Variants in CPD observed in about 807,000 individuals in gnomAD.
The protein encoded by CPD is carboxypeptidase D.
Under a neutral mutation model 138.3 loss-of-function variants are expected in CPD, and 69 were observed. That is an observed-to-expected ratio of 0.50 (90% CI 0.41 to 0.61). The LOEUF (loss-of-function observed/expected upper bound fraction) is 0.61, where lower values mean the gene tolerates loss of function less well. Among genes scored for constraint, CPD ranks in the 20% least tolerant of loss-of-function variants. The pLI is 0.00. For missense variants in CPD, 1,432 were observed against 1,733.3 expected, an observed-to-expected ratio of 0.83 and a Z score of 3.09; for synonymous variants, 651 against 642.1, an observed-to-expected ratio of 1.01 and a Z score of -0.21.
intron 8 of CPD, among the ~76,000 whole-genome samples, chr17:30,436,585 C>T (rs1461500855): frequency 6.6e-6 from 1 of 152,140 alleles, no homozygotes; most frequent in African/African-American, 2.4e-5. Flanking sequence ...TCTTGTTACC[C>T]ACTAGAATGG....
At chr17:30,445,260 T>A in intron 11 of CPD, among the ~76,000 whole-genome samples, 1 of 152,044 alleles carries the variant, frequency 6.6e-6, no homozygotes, top group Admixed American at 6.6e-5. Flanking sequence ...AGGTCAGAAG[T>A]TTGAGACCAG....
At chr17:30,389,539 A>G (rs1345991115) in intron 2 of CPD, among the ~76,000 whole-genome samples, 1 of 152,232 alleles carries the variant, frequency 6.6e-6, no homozygotes, top group Non-Finnish European at 1.5e-5. Context: ...ATAATGGGGT[A>G]AATACTTAAC....
chr17:30,433,070 G>C (rs1017016591), intron 8 of CPD, among the ~76,000 whole-genome samples: 1 of 152,062 alleles, frequency 6.6e-6, no homozygotes, highest in Admixed American at 6.6e-5. Context: ...TATTATTACT[G>C]TAACTCTGCA....
At chr17:30,451,587 A>G (rs978278438) in intron 13 of CPD, 124 bp from the exon 14 acceptor site, 36 of 849,056 alleles carry the variant, frequency 4.2e-5, no homozygotes, top group Non-Finnish European at 5.8e-5. Context: ...TTTTTCATTC[A>G]TCTTAGTTCT....
intron 2 of CPD, among the ~76,000 whole-genome samples, chr17:30,420,052 C>T (rs960974658): frequency 6.6e-6 from 1 of 152,072 alleles, no homozygotes; most frequent in African/African-American, 2.4e-5. Flanking sequence ...TAGTCTTTAT[C>T]CACTAAAAAC....
At chr17:30,384,660 A>T (rs556512131) in intron 1 of CPD, among the ~76,000 whole-genome samples, 1 of 152,240 alleles carries the variant, frequency 6.6e-6, no homozygotes, top group South Asian at 2.1e-4. Context: ...ACATGAATTT[A>T]GAATTCCCTA....
intron 2 of CPD, among the ~76,000 whole-genome samples, chr17:30,409,362 GC>G (rs1205998823): frequency 1.6e-5 from 2 of 125,508 alleles, no homozygotes; most frequent in Non-Finnish European, 3.7e-5. Context: ...TCAGGATGAT[GC>G]TGGCCTCATA....
At chr17:30,390,024 T>G (rs1911308502) in intron 2 of CPD, among the ~76,000 whole-genome samples, 1 of 151,860 alleles carries the variant, frequency 6.6e-6, no homozygotes, top group Non-Finnish European at 1.5e-5. Flanking sequence ...GGAGTAATTT[T>G]TTTTTTTTTT....
At position 30,385,012 on chromosome 17, in the gene CPD, A is replaced by C; in HGVS notation, c.770A>C (p.His257Pro). 6.2e-7 allele frequency: 1 copy of C among 1,613,930 alleles called. No homozygotes were observed. The highest frequency in any genetic ancestry group is 8.5e-7 in the Non-Finnish European group (1 of 1,179,878). The part of the protein sequence containing the change: ...RNKFVLSGNL[H>P]GGSVVASYPF... ...AGGTTTGTGCTTTCTGGAAATCTGC[A>C]TGGTGGCTCAGTGGTAGCAAGCTAT... The change falls in exon 2 of 21, where the codon CAT becomes CCT. Residue 257 changes from histidine to proline, a missense_variant. Transcript: ENST00000225719.
At position 30,379,528 on chromosome 17, in the gene CPD, A is replaced by G; in HGVS notation, c.548A>G (p.Asn183Ser). 6.4e-7 allele frequency: 1 copy of G among 1,558,222 alleles called. No individual in the cohort carries two copies. Among genetic ancestry groups the G allele is most frequent in the African/African-American group, 1.4e-5 (1 of 69,720 alleles). Residue 183 changes from asparagine (N) to serine (S), a missense_variant, in exon 1 of 21, where the codon AAC becomes AGC. Around this residue, in one of 6 missense-constraint regions of CPD, gnomAD observed 484 missense variants for 477.2 expected, o/e 1.01. Transcript: ENST00000225719. The surrounding 1 kb of genome is among the most constrained non-coding windows in gnomAD (Gnocchi z 7.0). ...GACGTGTACCTGCTGCCCAGCCTCA[A>G]CCCCGATGGCTTCGAGCGTGCCCGC... The part of the protein sequence containing the change: ...TTDVYLLPSL[N>S]PDGFERAREG...
chr17:30,462,384 T>G lies in CPD; in HGVS notation c.3831T>G (p.His1277Gln), dbSNP rs1309142302. The G allele has an allele frequency of 2.2e-5, 36 of 1,613,720 alleles. No individual in the cohort carries two copies. Among genetic ancestry groups the G allele is most frequent in the Non-Finnish European group, 2.6e-5 (31 of 1,179,826 alleles). The part of the protein sequence containing the change: ...QQQHSQVFVH[H>Q]DAASSVVIVF... ...TCTCCTTCTAGGTCTTTGTGCATCA[T>G]GATGCAGCTAGTTCTGTGGTGATAG... Residue 1277 changes from histidine to glutamine, a missense_variant, in exon 20 of 21, where the codon CAT becomes CAG. Physicochemically the swap from His to Gln is conservative, Grantham distance 24. Transcript: ENST00000225719.
At chr17:30,434,365 G>A (rs1241128893) in intron 8 of CPD, among the ~76,000 whole-genome samples, 1 of 152,106 alleles carries the variant, frequency 6.6e-6, no homozygotes, top group Non-Finnish European at 1.5e-5. Flanking sequence ...AAGGCTTTGT[G>A]GTGAGGTAAA....
rs1597721670 is a variant in CPD at position 30,427,312 on chromosome 17, A to G, written c.1850-79A>G. 7 of 1,303,498 alleles carry G rather than the reference A, an allele frequency of 5.4e-6. No homozygotes were observed. In the East Asian group the frequency reaches 1.4e-4, roughly 26 times the overall value. 80.7% of individuals were successfully genotyped at this position (1,303,498 alleles called of 1,614,324 possible). ...ATGTGTTCACATTTGCCTTGAGTTA[A>G]GGTATCTAAAGTAGTACGTGTTGGA... On this transcript the variant is annotated intron_variant, in intron 6 of 20. Transcript: ENST00000225719.
intron 11 of CPD, 172 bp downstream of exon 11, chr17:30,444,143 CG>C: frequency 4.7e-6 from 2 of 428,470 alleles, no homozygotes; most frequent in South Asian, 7.9e-5. Context: ...ATAGAGTACA[CG>C]AAAAAAAAAA....
At chr17:30,448,950 T>G (rs1244068811) in intron 12 of CPD, among the ~76,000 whole-genome samples, 3 of 151,866 alleles carry the variant, frequency 2.0e-5, no homozygotes, top group East Asian at 3.9e-4. Flanking sequence ...CAAAATTTTT[T>G]TTAAAAAATT....
rs938061832 is a variant in CPD at position 30,461,750 on chromosome 17, A to G, written c.3631-127A>G. 3 of 716,212 alleles carry G rather than the reference A, an allele frequency of 4.2e-6. No individual in the cohort carries two copies. The African/African-American group carries it at 5.3e-5, about 13-fold the overall frequency. 44.4% of individuals were successfully genotyped at this position (716,212 alleles called of 1,614,324 possible). A position where few individuals can be genotyped will look rare whatever the true frequency, so the allele number is the denominator to read the frequency against. The stretch of plus-strand genomic sequence containing the variant: ...GAAGAAGCAGGCCATACAGAGTTTG[A>G]TACTTGTTTGTGTGTGGTTTTTGTT... On this transcript the variant is annotated intron_variant, in intron 18 of 20. Transcript: ENST00000225719.
chr17:30,399,440 C>T (rs1170719296), intron 2 of CPD, among the ~76,000 whole-genome samples: 2 of 151,918 alleles, frequency 1.3e-5, no homozygotes, highest in African/African-American at 4.8e-5. Flanking sequence ...GTGGATTTAC[C>T]CATTTTTCCT....
intron 10 of CPD, among the ~76,000 whole-genome samples, chr17:30,443,431 A>G (rs539341166): frequency 6.0e-4 from 91 of 152,276 alleles, no homozygotes; most frequent in African/African-American, 2.1e-3. Flanking sequence ...CATGCATTGC[A>G]TTGGATTATT....
At chr17:30,421,915 A>G in intron 4 of CPD, 82 bp downstream of exon 4, 1 of 1,036,970 alleles carries the variant, frequency 9.6e-7, no homozygotes, top group Non-Finnish European at 1.4e-6. Context: ...AGTCTAGTAC[A>G]TGTTGTTTAT....
Sources: allele counts gnomAD v4.1 joint callset (sites outside exome capture counted in the v4.1 genomes callset), GRCh38; gene constraint gnomAD v4.1.1; regional missense constraint gnomAD v4.1.1; non-coding constraint Gnocchi (gnomAD v3.1); transcripts MANE v1.5; gene names NCBI Gene and HGNC (gene_info 2026-07-23, HGNC 2026-07-21).